SERPING1: variants seen among roughly 807,000 people sequenced by gnomAD.
SERPING1 encodes serpin family G member 1, also known as plasma protease C1 inhibitor.
In SERPING1, 5 loss-of-function variants were observed where a neutral mutation model predicts 34.1. That is an observed-to-expected ratio of 0.15 (90% CI 0.08 to 0.31). The LOEUF (loss-of-function observed/expected upper bound fraction) is 0.31. Among genes scored for constraint, SERPING1 ranks in the 10% least tolerant of loss-of-function variants. The pLI, the probability that SERPING1 is intolerant of heterozygous loss-of-function variation, is 1.00. For missense variants in SERPING1, 505 were observed against 609.5 expected, an observed-to-expected ratio of 0.83 and a Z score of 1.81; for synonymous variants, 225 against 242.4, an observed-to-expected ratio of 0.93 and a Z score of 0.67.
intron 4 of SERPING1, chr11:57,605,704 A>G: frequency 2.4e-6 from 1 of 413,484 alleles, no homozygotes; most frequent in South Asian, 2.3e-5. Context: ...TAAGGGAAGA[A>G]AAGAGGGAAA....
chr11:57,598,933 G>A lies in SERPING1; in HGVS notation c.51+612G>A, dbSNP rs571592452. On this transcript the variant is annotated intron_variant, in intron 2 of 7. Transcript: ENST00000278407. ...GGTAGGTAGGGGTGTGTGTATGTGC[G>A]TGTGTGTGTGTGTGCACGCGCAAGT... Among the ~76,000 whole-genome samples, 3 of 55,240 alleles carry A rather than the reference G, an allele frequency of 5.4e-5. No individual in the cohort carries two copies. The South Asian group carries it at 2.3e-3, about 42-fold the overall frequency. The allele number at this position is 55,240 out of a possible 152,430, so 36.2% of individuals were successfully genotyped here.
Position 57,606,420 on chromosome 11 carries a change from C to T in SERPING1, c.902C>T (p.Thr301Ile), listed in dbSNP as rs1945410224. The T allele has an allele frequency of 1.9e-6, 3 of 1,614,140 alleles. No homozygotes were observed. In the East Asian group the frequency reaches 6.7e-5, roughly 36 times the overall value. ...NAIYLSAKWK[T>I]TFDPKKTRME... ...CTCTTCCCTCTAGCCAAGTGGAAGA[C>T]AACATTTGATCCCAAGAAAACCAGA... Residue 301 changes from threonine (T) to isoleucine (I), a missense_variant, in exon 6 of 8, where the codon ACA (threonine) becomes ATA (isoleucine). Thr to Ile is a moderately conservative substitution (Grantham distance 89). Coordinates refer to ENST00000278407, the MANE Select transcript of SERPING1 (RefSeq NM_000062.3).
At chr11:57,607,461 G>A (rs570133562) in intron 6 of SERPING1, among the ~76,000 whole-genome samples, 6 of 152,228 alleles carry the variant, frequency 3.9e-5, no homozygotes, top group African/African-American at 1.4e-4. Context: ...TTGCTTATTT[G>A]CCTAGGACAT....
rs1052641111 is a variant in SERPING1 at position 57,607,272 on chromosome 11, C to A, written c.1029+725C>A. 6.6e-5 allele frequency among the ~76,000 whole-genome samples: 10 copies of A among 152,172 alleles called. 1 individual carries two copies. In the East Asian group the frequency reaches 1.2e-3, roughly 18 times the overall value. On this transcript the variant is annotated intron_variant, in intron 6 of 7. Coordinates refer to ENST00000278407, the MANE Select transcript of SERPING1 (RefSeq NM_000062.3). ...CCTTAGCTTTTGTTTCTGCCTGTAT[C>A]CCTCTTCACTCAGATCCTCACATAG...
In SERPING1 at chr11:57,599,891, T is replaced by G; in HGVS notation, c.64T>G (p.Ser22Ala). ...TCTTGAACCACAGGATAGAGCCTCC[T>G]CAAATCCAAATGCTACCAGCTCCAG... ...LLLLAGDRAS[S>A]NPNATSSSSQ... The change falls in exon 3 of 8, where the codon TCA (serine) becomes GCA (alanine). Residue 22 changes from serine (S) to alanine (A), a missense_variant. Ser to Ala is a moderately conservative substitution (Grantham distance 99). Coordinates refer to ENST00000278407, the MANE Select transcript of SERPING1 (RefSeq NM_000062.3). 3 of 1,613,958 alleles carry G rather than the reference T, an allele frequency of 1.9e-6. No homozygotes were observed. The highest frequency in any genetic ancestry group is 2.5e-6 in the Non-Finnish European group (3 of 1,180,044).
Position 57,611,899 on chromosome 11 carries a change from G to A in SERPING1, c.1212G>A (p.Thr404=), listed in dbSNP as rs1215705678. The A allele has an allele frequency of 1.2e-5, 19 of 1,613,948 alleles. No individual in the cohort carries two copies. The highest frequency in any genetic ancestry group is 3.3e-5 in the South Asian group (3 of 91,054). The stretch of plus-strand genomic sequence containing the variant: ...TAACACTACCCCGCATCAAAGTGAC[G>A]ACCAGCCAGGATATGCTCTCAATCA... ...TLLTLPRIKV[T]TSQDMLSIME... Residue 404 remains threonine (T), a synonymous_variant, in exon 7 of 8, where the codon ACG becomes ACA. Transcript: ENST00000278407.
At chr11:57,614,229 G>A (rs760242579) in intron 7 of SERPING1, 99 bp from the exon 8 acceptor site, 2 of 1,451,836 alleles carry the variant, frequency 1.4e-6, no homozygotes, top group Non-Finnish European at 1.9e-6. Flanking sequence ...AGAGAGCACT[G>A]GGACTCAGGA....
intron 3 of SERPING1, 97 bp from the exon 4 acceptor site, chr11:57,601,938 G>T: frequency 7.5e-7 from 1 of 1,327,640 alleles, no homozygotes; most frequent in Non-Finnish European, 1.1e-6. Flanking sequence ...CCAAAGCAGG[G>T]AATACCCTCC....
chr11:57,613,649 A>G (rs1945504981), intron 7 of SERPING1, among the ~76,000 whole-genome samples: 1 of 152,210 alleles, frequency 6.6e-6, no homozygotes, highest in South Asian at 2.1e-4. Context: ...TTCACCAACC[A>G]GAAACTCTCA....
In SERPING1 at chr11:57,599,982, A is replaced by G. The variant is rs766862937; in HGVS notation, c.155A>G (p.Lys52Arg). 17 of 1,614,192 alleles carry G rather than the reference A, an allele frequency of 1.1e-5. No individual in the cohort carries two copies. The South Asian group carries it at 1.3e-4, about 13-fold the overall frequency. The change falls in exon 3 of 8, where the codon AAG becomes AGG. Residue 52 changes from lysine to arginine, a missense_variant. By Grantham distance (26) the Lys-to-Arg change is conservative. Coordinates refer to ENST00000278407, the MANE Select transcript of SERPING1 (RefSeq NM_000062.3). ...AAGGTCGCAACAACAGTTATCTCCA[A>G]GATGCTATTCGTTGAACCCATCCTG... ...EGKVATTVIS[K>R]MLFVEPILEV...
chr11:57,598,204 G>A lies in SERPING1; in HGVS notation c.-22-45G>A, dbSNP rs1346883124. 2.0e-6 allele frequency: 3 copies of A among 1,485,554 alleles called. No individual in the cohort carries two copies. In the African/African-American group the frequency reaches 4.2e-5, roughly 21 times the overall value. 92.0% of individuals were successfully genotyped at this position (1,485,554 alleles called of 1,614,324 possible). On this transcript the variant is annotated intron_variant, in intron 1 of 7. Transcript: ENST00000278407. ...GCCCCGGGCGGGGTGGGGGCCCCTG[G>A]GCTCCCAGGGTGGGAGCTGGCTCCG...
At chr11:57,614,295 T>A in intron 7 of SERPING1, 33 bp from the exon 8 acceptor site, 2 of 1,611,234 alleles carry the variant, frequency 1.2e-6, no homozygotes, top group Non-Finnish European at 8.5e-7. Context: ...TCATGCTGGC[T>A]TCTGACTCTG....
intron 6 of SERPING1, among the ~76,000 whole-genome samples, chr11:57,609,705 C>A (rs557303399): frequency 1.8e-4 from 27 of 152,236 alleles, no homozygotes; most frequent in Admixed American, 5.2e-4. Context: ...ATTAGTATTC[C>A]CATAAGCATT....
chr11:57,598,199 C>G (rs908954589), intron 1 of SERPING1, 50 bp from the exon 2 acceptor site: 2 of 1,472,022 alleles, frequency 1.4e-6, no homozygotes, highest in South Asian at 2.5e-5. Context: ...GGGTGGGGGC[C>G]CCTGGGCTCC....
In SERPING1 at chr11:57,607,999, C is replaced by G. The variant is rs201355038; in HGVS notation, c.1029+1452C>G. ...GACCATTCTTTGCTCAGTTATTTATCCACTCATGGACTTATCCACCCATCT... is the reference window on the plus strand; with the variant it reads ...GACCATTCTTTGCTCAGTTATTTATGCACTCATGGACTTATCCACCCATCT... On this transcript the variant is annotated intron_variant, in intron 6 of 7. Transcript: ENST00000278407. 3.3e-5 allele frequency among the ~76,000 whole-genome samples: 5 copies of G among 152,136 alleles called. No homozygotes were observed. In the East Asian group the frequency reaches 9.6e-4, roughly 29 times the overall value.
chr11:57,611,519 C>T (rs779511226), intron 6 of SERPING1, 198 bp from the exon 7 acceptor site: 1 of 629,272 alleles, frequency 1.6e-6, no homozygotes, highest in Non-Finnish European at 2.9e-6. Flanking sequence ...TCTACCTCTC[C>T]CCAGCACAGA....
chr11:57,610,131 A>G (rs543891108), intron 6 of SERPING1, among the ~76,000 whole-genome samples: 52 of 152,370 alleles, frequency 3.4e-4, no homozygotes, highest in African/African-American at 8.9e-4. Flanking sequence ...TAAAACTAGC[A>G]TGTCAGAGTC....
chr11:57,604,725 T>G (rs1274011091), intron 4 of SERPING1, among the ~76,000 whole-genome samples: 2 of 152,030 alleles, frequency 1.3e-5, no homozygotes, highest in Non-Finnish European at 2.9e-5. Context: ...AAAACAATAC[T>G]TAGGTCTGGC....
chr11:57,604,374 G>A (rs1945385078), intron 4 of SERPING1, among the ~76,000 whole-genome samples: 1 of 152,116 alleles, frequency 6.6e-6, no homozygotes, highest in African/African-American at 2.4e-5. Context: ...ACGATCCAAT[G>A]TAGTTGTTTT....
Sources: allele counts gnomAD v4.1 joint callset (sites outside exome capture counted in the v4.1 genomes callset), GRCh38; gene constraint gnomAD v4.1.1; transcripts MANE v1.5; gene names NCBI Gene and HGNC (gene_info 2026-07-23, HGNC 2026-07-21).